DPYSL2: variants seen among roughly 807,000 people sequenced by gnomAD.
The protein encoded by DPYSL2 is dihydropyrimidinase-related protein 2.
In DPYSL2, 13 loss-of-function variants were observed where a neutral mutation model predicts 69.9. The observed-to-expected ratio is 0.19, with a 90% CI of 0.12 to 0.30. The LOEUF is 0.30. Among genes scored for constraint, DPYSL2 ranks in the 10% least tolerant of loss-of-function variants. DPYSL2 has a pLI of 1.00. For missense variants in DPYSL2, 587 were observed against 918.9 expected, an observed-to-expected ratio of 0.64 and a Z score of 4.67; for synonymous variants, 326 against 359.1, an observed-to-expected ratio of 0.91 and a Z score of 1.04.
Position 26,655,987 on chromosome 8 carries a change from A to C in DPYSL2, c.*281A>C. On this transcript the variant is annotated 3_prime_UTR_variant, in exon 14 of 14. Coordinates refer to ENST00000521913, the MANE Select transcript of DPYSL2 (RefSeq NM_001197293.3). Reference sequence around the variant, plus strand: ...AGGGAACCACACCCAACACTTAGACATGCGAACAAGCAGCCCCCAGCGAGG... The same window carrying C: ...AGGGAACCACACCCAACACTTAGACCTGCGAACAAGCAGCCCCCAGCGAGG... The C allele has an allele frequency of 1.3e-5, 4 of 315,034 alleles. No homozygotes were observed. The highest frequency in any genetic ancestry group is 2.3e-5 in the Non-Finnish European group (4 of 173,242). The allele number at this position is 315,034 out of a possible 1,614,324, so 19.5% of individuals were successfully genotyped here.
chr8:26,562,804 GCCGT>G lies in DPYSL2; in HGVS notation c.355-19164_355-19161del, dbSNP rs1161146893. Among the ~76,000 whole-genome samples the G allele has an allele frequency of 2.6e-5, 4 of 152,292 alleles. No individual in the cohort carries two copies. The highest frequency in any genetic ancestry group is 1.9e-4 in the East Asian group (1 of 5,172). On this transcript the variant is annotated intron_variant, in intron 1 of 13. Coordinates refer to ENST00000521913, the MANE Select transcript of DPYSL2 (RefSeq NM_001197293.3). This position sits in a 1 kb window ranked among gnomAD's most constrained non-coding sequence, Gnocchi z 4.9. ...TTGTCTCTGCTCCACGATGTCTAGG[GCCGT>G]ATCTGGGAAAACTTGAATGGCTTTG...
chr8:26,563,118 A>G (rs1801099475), intron 1 of DPYSL2, among the ~76,000 whole-genome samples: 1 of 152,148 alleles, frequency 6.6e-6, no homozygotes, highest in Non-Finnish European at 1.5e-5. Context: ...CCGAATTCAA[A>G]GGGAGGGCAT....
chr8:26,602,138 A>ATTTTT (rs374443692), intron 3 of DPYSL2, among the ~76,000 whole-genome samples: 5 of 135,296 alleles, frequency 3.7e-5, no homozygotes, highest in Non-Finnish European at 6.3e-5. Flanking sequence ...AACAAAGGAA[A>ATTTTT]TTTTTTTTTT....
chr8:26,551,792 A>G (rs1003331667), intron 1 of DPYSL2, among the ~76,000 whole-genome samples: 11 of 152,186 alleles, frequency 7.2e-5, no homozygotes, highest in Non-Finnish European at 1.6e-4. Context: ...GAAAATCCCC[A>G]AATATTTTAA....
At chr8:26,638,502 C>T (rs544955680) in intron 8 of DPYSL2, among the ~76,000 whole-genome samples, 51 of 152,288 alleles carry the variant, frequency 3.3e-4, no homozygotes, top group Non-Finnish European at 6.9e-4. Flanking sequence ...ACTGTTTTCA[C>T]GTGCCTGCTT....
At chr8:26,534,578 G>T (rs1585493777) in intron 1 of DPYSL2, among the ~76,000 whole-genome samples, 1 of 151,940 alleles carries the variant, frequency 6.6e-6, no homozygotes, top group Non-Finnish European at 1.5e-5. Flanking sequence ...TCTATGTAGG[G>T]TTGCCACTTT....
intron 1 of DPYSL2, among the ~76,000 whole-genome samples, chr8:26,524,314 A>G (rs947108133): frequency 6.6e-6 from 1 of 152,226 alleles, no homozygotes; most frequent in African/African-American, 2.4e-5. Flanking sequence ...CTGAACAGAC[A>G]TTCTGATTTC....
intron 1 of DPYSL2, among the ~76,000 whole-genome samples, chr8:26,544,467 G>A (rs1424733055): frequency 6.6e-6 from 1 of 152,136 alleles, no homozygotes; most frequent in Non-Finnish European, 1.5e-5. Flanking sequence ...AATATACTTT[G>A]TGCACTTCTA....
chr8:26,647,275 G>C lies in DPYSL2; in HGVS notation c.1426-355G>C, dbSNP rs956130776. On this transcript the variant is annotated intron_variant, in intron 10 of 13. Transcript: ENST00000521913. This position sits in a 1 kb window ranked among gnomAD's most constrained non-coding sequence, Gnocchi z 5.1. ...GTCACAATGTGTGGGTATAGCTCTA[G>C]GCTGTGTGGCCACCTGTGGAGTCAT... 6.6e-6 allele frequency among the ~76,000 whole-genome samples: 1 copy of C among 152,150 alleles called. No homozygotes were observed. Among genetic ancestry groups the C allele is most frequent in the African/African-American group, 2.4e-5 (1 of 41,432 alleles).
intron 1 of DPYSL2, among the ~76,000 whole-genome samples, chr8:26,572,507 TG>T (rs1304570446): frequency 6.6e-6 from 1 of 152,110 alleles, no homozygotes; most frequent in Non-Finnish European, 1.5e-5. Context: ...AAGACTTTTT[TG>T]TTTGTTTTTG....
chr8:26,602,138 A>ATTTTTTTTTTTTTTTTTT (rs374443692), intron 3 of DPYSL2, among the ~76,000 whole-genome samples: 1 of 135,300 alleles, frequency 7.4e-6, no homozygotes, highest in Non-Finnish European at 1.6e-5. Flanking sequence ...AACAAAGGAA[A>ATTTTTTTTTTTTTTTTTT]TTTTTTTTTT....
intron 1 of DPYSL2, among the ~76,000 whole-genome samples, chr8:26,555,057 A>G (rs1800923966): frequency 8.8e-6 from 1 of 113,772 alleles, no homozygotes; most frequent in African/African-American, 3.1e-5. Context: ...ACTATCGACA[A>G]AATTCAACAT....
At position 26,653,817 on chromosome 8, in the gene DPYSL2, A is replaced by G. The variant is rs1803327855; in HGVS notation, c.1942+420A>G. 6.6e-6 allele frequency among the ~76,000 whole-genome samples: 1 copy of G among 152,096 alleles called. No individual in the cohort carries two copies. Among genetic ancestry groups the G allele is most frequent in the Non-Finnish European group, 1.5e-5 (1 of 68,012 alleles). On this transcript the variant is annotated intron_variant, in intron 13 of 13. Transcript: ENST00000521913. This position sits in a 1 kb window ranked among gnomAD's most constrained non-coding sequence, Gnocchi z 5.7. ...GTGATCTGCCCGCCTCGGCCTCCCA[A>G]AGTGCTGGGATTACAGGTGTGAGCC...
rs1803370253 is a variant in DPYSL2, at chr8:26,655,695, A to C, written c.2023A>C (p.Ser675Arg). ...APPGGRANIT[S>R]LG is the part of the protein sequence containing the mutation. ...CCCCGGTGGCCGTGCCAACATCACC[A>C]GCCTGGGCTAGAGCTCCTGGGCTGT... is the stretch of plus-strand genomic sequence containing the variant. Residue 675 changes from serine to arginine, a missense_variant, in exon 14 of 14, where the codon AGC becomes CGC. By Grantham distance (110) the Ser-to-Arg change is moderately radical (BLOSUM62 -1). This residue lies in a region of DPYSL2 where 452 missense variants were observed against 754.3 expected (regional missense o/e 0.60). Coordinates refer to ENST00000521913, the MANE Select transcript of DPYSL2 (RefSeq NM_001197293.3). 6.2e-7 allele frequency: 1 copy of C among 1,606,488 alleles called. No individual in the cohort carries two copies. Among genetic ancestry groups the C allele is most frequent in the Admixed American group, 1.7e-5 (1 of 59,934 alleles).
chr8:26,566,426 A>G (rs1304755907), intron 1 of DPYSL2, among the ~76,000 whole-genome samples: 2 of 152,250 alleles, frequency 1.3e-5, no homozygotes, highest in Admixed American at 6.5e-5. Context: ...GTAAATGCTC[A>G]AAGAGTAAAT....
intron 3 of DPYSL2, among the ~76,000 whole-genome samples, chr8:26,590,705 C>T (rs919477393): frequency 5.9e-5 from 9 of 152,218 alleles, no homozygotes; most frequent in African/African-American, 1.9e-4. Context: ...TCCATCCACC[C>T]CCTTGGCATA....
Position 26,593,268 on chromosome 8 carries a change from C to T in DPYSL2, c.628+9285C>T, listed in dbSNP as rs1335407026. ...AAAACCTTGACTGCACATTAGAATC[C>T]CCTGGGGAGTTGTAACAAAATGCAG... On this transcript the variant is annotated intron_variant, in intron 3 of 13. Coordinates refer to ENST00000521913, the MANE Select transcript of DPYSL2 (RefSeq NM_001197293.3). This position sits in a 1 kb window ranked among gnomAD's most constrained non-coding sequence, Gnocchi z 5.7. 6.6e-6 allele frequency among the ~76,000 whole-genome samples: 1 copy of T among 151,900 alleles called. No homozygotes were observed. Among genetic ancestry groups the T allele is most frequent in the Non-Finnish European group, 1.5e-5 (1 of 67,988 alleles).
At chr8:26,577,536 C>T (rs953917767) in intron 1 of DPYSL2, among the ~76,000 whole-genome samples, 2 of 148,878 alleles carry the variant, frequency 1.3e-5, no homozygotes, top group African/African-American at 2.4e-5. Context: ...GGCGCGCAGG[C>T]GGGCAGGGAC....
rs568957360 is a variant in DPYSL2, at chr8:26,526,307, A to C, written c.354+11628A>C. Among the ~76,000 whole-genome samples, 19 of 152,154 alleles carry C rather than the reference A, an allele frequency of 1.2e-4. No individual in the cohort carries two copies. In the South Asian group the frequency reaches 3.7e-3, roughly 30 times the overall value. On this transcript the variant is annotated intron_variant, in intron 1 of 13. Coordinates refer to ENST00000521913, the MANE Select transcript of DPYSL2 (RefSeq NM_001197293.3). ...ACGGGGTTTCACCATGTTAGCCAGG[A>C]TGGTCTCCATTTCCTGACCTCGTTA...
Sources: gnomAD v4.1 joint callset for allele counts (sites outside exome capture counted in the v4.1 genomes callset) on GRCh38, gnomAD v4.1.1 for gene constraint, gnomAD v4.1.1 regional missense constraint, Gnocchi (gnomAD v3.1) non-coding constraint, MANE v1.5 for transcripts, NCBI Gene and HGNC (gene_info 2026-07-23, HGNC 2026-07-21) for gene names.